The following ROBO1 variants were observed in gnomAD, a reference collection of about 807,000 sequenced individuals.
ROBO1 encodes roundabout guidance receptor 1, also known as roundabout homolog 1.
In ROBO1, 149 loss-of-function variants were observed where a neutral mutation model predicts 195.9. The ratio of observed to expected loss-of-function variants is 0.76; its 90% CI spans 0.67 to 0.87. ROBO1 has a LOEUF of 0.87. Ranked by LOEUF, ROBO1 falls within the 40% of genes least tolerant of loss-of-function variation. ROBO1 has a pLI of 0.00. For synonymous variants in ROBO1, 816 were observed against 733.2 expected (o/e 1.11, Z -1.82); for missense variants, 1,933 against 2,068.3 (o/e 0.93, Z 1.27).
At chr3:78,907,970 G>A (rs192628229) in intron 4 of ROBO1, among the ~76,000 whole-genome samples, 7 of 151,680 alleles carry the variant, frequency 4.6e-5, no homozygotes, top group East Asian at 3.9e-4. Context: ...GCTGTATGCC[G>A]CCCAAAGTAT....
At chr3:79,368,088 C>T (rs115677974) in intron 2 of ROBO1, among the ~76,000 whole-genome samples, 3,239 of 152,166 alleles carry the variant, frequency 0.021, 119 homozygotes, top group African/African-American at 0.074. Context: ...ACTACAGGTG[C>T]GTGCCACCAC....
intron 2 of ROBO1, among the ~76,000 whole-genome samples, chr3:79,298,481 T>C (rs1403017491): frequency 4.6e-5 from 7 of 152,148 alleles, no homozygotes; most frequent in Admixed American, 4.6e-4. Context: ...TGTTTCTCTA[T>C]TTTATGGTCC....
At chr3:79,662,936 TATATAAA>T (rs1946373298) in intron 1 of ROBO1, among the ~76,000 whole-genome samples, 1 of 151,818 alleles carries the variant, frequency 6.6e-6, no homozygotes, top group South Asian at 2.1e-4. Context: ...AAAGAAAAAA[TATATAAA>T]ATAATCACGA....
At chr3:79,308,896 C>T (rs1219406908) in intron 2 of ROBO1, among the ~76,000 whole-genome samples, 1 of 152,084 alleles carries the variant, frequency 6.6e-6, no homozygotes, top group Non-Finnish European at 1.5e-5. Flanking sequence ...TTAAGGAAAA[C>T]AATTGAACAA....
chr3:79,472,382 C>T (rs975230701), intron 2 of ROBO1, among the ~76,000 whole-genome samples: 2 of 152,006 alleles, frequency 1.3e-5, no homozygotes, highest in African/African-American at 2.4e-5. Flanking sequence ...TAGGGTCAAC[C>T]GTTAAATATA....
At chr3:79,674,834 G>GTT (rs34306295) in intron 1 of ROBO1, among the ~76,000 whole-genome samples, 40,063 of 143,100 alleles carry the variant, frequency 0.28, 6,210 homozygotes, top group East Asian at 0.5. Flanking sequence ...ATCCGTGTGT[G>GTT]TGTGTGTGTG....
At chr3:78,821,770 C>T (rs1392667213) in intron 4 of ROBO1, among the ~76,000 whole-genome samples, 3 of 152,038 alleles carry the variant, frequency 2.0e-5, no homozygotes, top group African/African-American at 7.2e-5. Flanking sequence ...TCACATAATT[C>T]AATTCCTTTC....
At chr3:79,063,868 C>G (rs1231996691) in intron 3 of ROBO1, among the ~76,000 whole-genome samples, 1 of 151,682 alleles carries the variant, frequency 6.6e-6, no homozygotes, top group Non-Finnish European at 1.5e-5. Flanking sequence ...TAATCTAATC[C>G]ATATGTGGAA....
At chr3:78,910,354 T>C (rs2038171750) in intron 4 of ROBO1, among the ~76,000 whole-genome samples, 1 of 151,954 alleles carries the variant, frequency 6.6e-6, no homozygotes, top group Admixed American at 6.6e-5. Flanking sequence ...TGTAACTTTT[T>C]TACTGTTCCA....
At chr3:78,928,607 T>C (rs1235091019) in intron 4 of ROBO1, among the ~76,000 whole-genome samples, 1 of 152,164 alleles carries the variant, frequency 6.6e-6, no homozygotes, top group Non-Finnish European at 1.5e-5. Flanking sequence ...ACTGGTCATA[T>C]AAATATTGTT....
At chr3:78,846,373 T>C (rs1185343695) in intron 4 of ROBO1, among the ~76,000 whole-genome samples, 1 of 152,130 alleles carries the variant, frequency 6.6e-6, no homozygotes, top group Non-Finnish European at 1.5e-5. Flanking sequence ...ACTGATAATT[T>C]AATTGCAATT....
intron 2 of ROBO1, among the ~76,000 whole-genome samples, chr3:79,194,240 G>A (rs536886756): frequency 2.5e-4 from 38 of 151,616 alleles, no homozygotes; most frequent in African/African-American, 9.2e-4. Flanking sequence ...TTTTTCCTAG[G>A]TAAAAAGTAA....
intron 2 of ROBO1, among the ~76,000 whole-genome samples, chr3:79,573,166 G>C (rs1415137746): frequency 6.6e-6 from 1 of 152,032 alleles, no homozygotes; most frequent in African/African-American, 2.4e-5. Context: ...CTCCTGCCTC[G>C]TCTTCCCGAG....
chr3:79,613,121 C>T (rs1560038371), intron 1 of ROBO1, among the ~76,000 whole-genome samples: 1 of 38,524 alleles, frequency 2.6e-5, no homozygotes, highest in Non-Finnish European at 5.1e-5. Flanking sequence ...GATGGAATTT[C>T]AAAAGGACTG....
At chr3:79,126,004 T>A (rs62259673) in intron 2 of ROBO1, among the ~76,000 whole-genome samples, 3,779 of 152,288 alleles carry the variant, frequency 0.025, 68 homozygotes, top group Non-Finnish European at 0.039. Context: ...GTACCTCATA[T>A]GAGGCAGGGA....
chr3:79,068,696 C>T (rs1359675123), intron 3 of ROBO1, among the ~76,000 whole-genome samples: 1 of 151,778 alleles, frequency 6.6e-6, no homozygotes, highest in Non-Finnish European at 1.5e-5. Context: ...TAACAGGTCT[C>T]AAATTCATTG....
chr3:79,071,517 G>A (rs749876656), intron 3 of ROBO1, among the ~76,000 whole-genome samples: 1 of 151,566 alleles, frequency 6.6e-6, no homozygotes, highest in Non-Finnish European at 1.5e-5. Context: ...CTCACATAAT[G>A]TTTCATTTGG....
intron 2 of ROBO1, among the ~76,000 whole-genome samples, chr3:79,208,720 T>TGTGTGC (rs1491298852): frequency 3.6e-5 from 5 of 140,094 alleles, no homozygotes; most frequent in African/African-American, 1.3e-4. Flanking sequence ...TGTGTGTGTG[T>TGTGTGC]GCGCCTGCAT....
chr3:79,226,543 CTT>C (rs112824317), intron 2 of ROBO1, among the ~76,000 whole-genome samples: 31 of 135,548 alleles, frequency 2.3e-4, no homozygotes, highest in Non-Finnish European at 2.0e-4. Flanking sequence ...TTCTTTCTTT[CTT>C]TTTTTTTTTT....
Sources: gnomAD v4.1 joint callset for allele counts (sites outside exome capture counted in the v4.1 genomes callset) on GRCh38, gnomAD v4.1.1 for gene constraint, MANE v1.5 for transcripts, NCBI Gene and HGNC (gene_info 2026-07-23, HGNC 2026-07-21) for gene names.